ERBB3: variants seen among roughly 807,000 people sequenced by gnomAD.
ERBB3 encodes the protein receptor tyrosine-protein kinase erbB-3.
A neutral mutation model predicts 156.7 loss-of-function variants in ERBB3; 96 were observed. The ratio of observed to expected loss-of-function variants is 0.61; its 90% CI spans 0.52 to 0.73. The LOEUF is 0.73. Ranked by LOEUF, ERBB3 falls within the 30% of genes least tolerant of loss-of-function variation. ERBB3 has a pLI of 0.00. For missense variants in ERBB3, 1,406 were observed against 1,709.4 expected (o/e 0.82, Z 3.13); for synonymous variants, 567 against 632.0 (o/e 0.90, Z 1.54).
In ERBB3 at chr12:56,102,081, A is replaced by T; in HGVS notation, c.*26A>T. On this transcript the variant is annotated 3_prime_UTR_variant, in exon 28 of 28. Coordinates refer to ENST00000267101, the MANE Select transcript of ERBB3 (RefSeq NM_001982.4). ...CTCCTGCTCCCTGTGGCACTCAGGG[A>T]GCATTTAATGGCAGCTAGTGCCTTT... 2 of 1,599,148 alleles carry T rather than the reference A, an allele frequency of 1.3e-6. No homozygotes were observed. The highest frequency in any genetic ancestry group is 1.7e-6 in the Non-Finnish European group (2 of 1,176,678).
At position 56,085,040 on chromosome 12, in the gene ERBB3, T is replaced by A. The variant is rs769634421; in HGVS notation, c.280T>A (p.Phe94Ile). 8.7e-6 allele frequency: 14 copies of A among 1,614,110 alleles called. No homozygotes were observed. The Admixed American group carries it at 2.2e-4, about 25-fold the overall frequency. ...CTATGTCCTCGTGGCCATGAATGAA[T>A]TCTCTACTCTACCATTGCCCAACCT... Reference protein sequence around the residue: ...TGYVLVAMNEFSTLPLPNLRV... With the variant: ...TGYVLVAMNEISTLPLPNLRV... The change falls in exon 3 of 28, where the codon TTC (phenylalanine) becomes ATC (isoleucine). Residue 94 changes from phenylalanine (F) to isoleucine (I), a missense_variant. Transcript: ENST00000267101.
In ERBB3 at chr12:56,095,795, G is replaced by C; in HGVS notation, c.2044G>C (p.Glu682Gln). The C allele has an allele frequency of 6.2e-7, 1 of 1,614,196 alleles. No homozygotes were observed. The highest frequency in any genetic ancestry group is 2.2e-5 in the East Asian group (1 of 44,886). ...QNKRAMRRYL[E>Q]RGESIEPLDP... ...TAAAAGGGCTATGAGGCGATACTTG[G>C]AACGGGGTGAGGTGAGTACTTAGCT... Residue 682 changes from glutamate (E) to glutamine (Q), a missense_variant, in exon 17 of 28, where the codon GAA (glutamate) becomes CAA (glutamine). This residue lies in a region of ERBB3 where 979 missense variants were observed against 1,219.6 expected (regional missense o/e 0.80). Coordinates refer to ENST00000267101, the MANE Select transcript of ERBB3 (RefSeq NM_001982.4).
chr12:56,099,826 C>G lies in ERBB3; in HGVS notation c.2938-12C>G, dbSNP rs374610753. On this transcript the variant is annotated splice_polypyrimidine_tract_variant and intron_variant, in intron 24 of 27. Coordinates refer to ENST00000267101, the MANE Select transcript of ERBB3 (RefSeq NM_001982.4). The stretch of plus-strand genomic sequence containing the variant: ...AACCAGGATTCCCCCTAACAATCAC[C>G]TATCGATATAGAGAGAGAGTGGGCC... The G allele has an allele frequency of 4.3e-6, 7 of 1,613,800 alleles. No homozygotes were observed. The highest frequency in any genetic ancestry group is 5.9e-6 in the Non-Finnish European group (7 of 1,179,764).
intron 1 of ERBB3, among the ~76,000 whole-genome samples, chr12:56,081,161 G>T (rs936908350): frequency 6.6e-6 from 1 of 152,216 alleles, no homozygotes; most frequent in African/African-American, 2.4e-5. Flanking sequence ...GATCAAGAGG[G>T]CACCTCTGCT....
At position 56,080,401 on chromosome 12, in the gene ERBB3, C is replaced by T. The variant is rs555770357; in HGVS notation, c.82+19C>T. 6.4e-7 allele frequency: 1 copy of T among 1,568,324 alleles called. No individual in the cohort carries two copies. Among genetic ancestry groups the T allele is most frequent in the Non-Finnish European group, 8.7e-7 (1 of 1,153,356 alleles). The stretch of plus-strand genomic sequence containing the variant: ...CAGGCAGGTAAGTGGCGCGAGAGCA[C>T]CGGCGGGCTCGGCACCTGGGAGCCG... On this transcript the variant is annotated intron_variant, in intron 1 of 27. Transcript: ENST00000267101.
chr12:56,097,274 TG>T (rs1213212470), intron 20 of ERBB3, 44 bp downstream of exon 20: 1 of 1,585,308 alleles, frequency 6.3e-7, no homozygotes, highest in Non-Finnish European at 8.7e-7. Context: ...ACTGCTTGTC[TG>T]GGGGCCAGCC....
chr12:56,095,329 T>G lies in ERBB3; in HGVS notation c.1913+19T>G, dbSNP rs147010683. On this transcript the variant is annotated intron_variant, in intron 16 of 27. Coordinates refer to ENST00000267101, the MANE Select transcript of ERBB3 (RefSeq NM_001982.4). ...TGATCGGGTATGATGGGGTTGGAGA[T>G]TCTGGAAACTGGGGATATTTGGGAG... 148 of 1,605,832 alleles carry G rather than the reference T, an allele frequency of 9.2e-5. No individual in the cohort carries two copies. Among genetic ancestry groups the G allele is most frequent in the Non-Finnish European group, 1.2e-4 (139 of 1,172,508 alleles).
chr12:56,097,008 T>C (rs369782777), intron 19 of ERBB3, 37 bp from the exon 20 acceptor site: 4 of 1,605,348 alleles, frequency 2.5e-6, no homozygotes, highest in Non-Finnish European at 3.4e-6. Flanking sequence ...TATGTGAACC[T>C]GTTGGTTTCC....
chr12:56,093,067 G>C lies in ERBB3; in HGVS notation c.1265G>C (p.Ser422Thr), dbSNP rs1403302046. The C allele has an allele frequency of 1.9e-6, 3 of 1,611,928 alleles. No individual in the cohort carries two copies. The highest frequency in any genetic ancestry group is 2.5e-6 in the Non-Finnish European group (3 of 1,177,972). The change falls in exon 11 of 28, where the codon AGC becomes ACC. Residue 422 changes from serine to threonine, a missense_variant. Around this residue, in one of 3 missense-constraint regions of ERBB3, gnomAD observed 979 missense variants for 1,219.6 expected, o/e 0.80. Coordinates refer to ENST00000267101, the MANE Select transcript of ERBB3 (RefSeq NM_001982.4). ...AATTTGACAACCATTGGAGGCAGAA[G>C]CCTCTACAAGTGAGTAAAGGGTATG... Reference protein sequence around the residue: ...FSNLTTIGGRSLYNRGFSLLI... With the variant: ...FSNLTTIGGRTLYNRGFSLLI...
chr12:56,089,782 C>T (rs1374332032), intron 9 of ERBB3, among the ~76,000 whole-genome samples: 1 of 151,738 alleles, frequency 6.6e-6, no homozygotes, highest in African/African-American at 2.4e-5. Flanking sequence ...TCTGTCTCCC[C>T]ATGACTTTTA....
intron 12 of ERBB3, 56 bp downstream of exon 12, chr12:56,093,606 G>C: frequency 1.3e-6 from 2 of 1,576,090 alleles, no homozygotes; most frequent in Non-Finnish European, 1.7e-6. Context: ...GGAGAGGGCT[G>C]AAAGGACTAT....
rs567366033 is a variant in ERBB3 at position 56,094,159 on chromosome 12, C to G, written c.1674C>G (p.Pro558=). The change falls in exon 14 of 28, where the codon CCC becomes CCG. Residue 558 remains proline, a synonymous_variant. Coordinates refer to ENST00000267101, the MANE Select transcript of ERBB3 (RefSeq NM_001982.4). ...TCTCCTGCCACCCGGAATGCCAACC[C>G]ATGGAGGGCACTGCCACATGCAATG... ...ECFSCHPECQ[P]MEGTATCNGS... is the part of the protein sequence containing the mutation. 9.3e-6 allele frequency: 15 copies of G among 1,614,078 alleles called. 1 individual carries two copies. The African/African-American group carries it at 1.3e-4, about 14-fold the overall frequency.
intron 12 of ERBB3, 60 bp downstream of exon 12, chr12:56,093,610 G>A (rs937436048): frequency 2.6e-6 from 4 of 1,559,936 alleles, no homozygotes; most frequent in Non-Finnish European, 3.5e-6. Context: ...AGGGCTGAAA[G>A]GACTATTCTG....
At position 56,085,191 on chromosome 12, in the gene ERBB3, C is replaced by T. The variant is rs757433330; in HGVS notation, c.421+10C>T. The T allele has an allele frequency of 1.4e-5, 22 of 1,614,166 alleles. No homozygotes were observed. The highest frequency in any genetic ancestry group is 2.2e-5 in the East Asian group (1 of 44,894). ...TTGACTCAGCTCACCGGTCAGTTCC[C>T]GATGGTTCCTTCTGGCCTCACCCCT... On this transcript the variant is annotated intron_variant, in intron 3 of 27. Coordinates refer to ENST00000267101, the MANE Select transcript of ERBB3 (RefSeq NM_001982.4).
At position 56,092,750 on chromosome 12, in the gene ERBB3, C is replaced by A; in HGVS notation, c.1113C>A (p.Asp371Glu). ...LDFLITGLNG[D>E]PWHKIPALDP... The stretch of plus-strand genomic sequence containing the variant: ...TGGTTTCTACTGTTCTATTCAGAGA[C>A]CCCTGGCACAAGATCCCTGCCCTGG... The change falls in exon 10 of 28, where the codon GAC becomes GAA. Residue 371 changes from aspartate to glutamate, a missense_variant. Transcript: ENST00000267101. 1 of 1,612,990 alleles carries A rather than the reference C, an allele frequency of 6.2e-7. No individual in the cohort carries two copies. Among genetic ancestry groups the A allele is most frequent in the Non-Finnish European group, 8.5e-7 (1 of 1,178,988 alleles).
chr12:56,086,374 A>G, intron 3 of ERBB3, 157 bp from the exon 4 acceptor site: 1 of 883,760 alleles, frequency 1.1e-6, no homozygotes, highest in South Asian at 1.4e-5. Context: ...CTCATCTTAT[A>G]AAGGGAGTCT....
Position 56,085,462 on chromosome 12 carries a change from A to C in ERBB3, c.421+281A>C. On this transcript the variant is annotated intron_variant, in intron 3 of 27. Transcript: ENST00000267101. ...CTAATTTCAAAGTACAGTGTACCGGAGGCCAGGCCTGATGGCTTACACCTG... is the reference window on the plus strand; with the variant it reads ...CTAATTTCAAAGTACAGTGTACCGGCGGCCAGGCCTGATGGCTTACACCTG... The C allele has an allele frequency of 2.9e-6, 4 of 1,384,756 alleles. No individual in the cohort carries two copies. In the South Asian group the frequency reaches 7.6e-5, roughly 26 times the overall value. The allele number at this position is 1,384,756 out of a possible 1,614,324, so 85.8% of individuals were successfully genotyped here. A position where few individuals can be genotyped will look rare whatever the true frequency, so the allele number is the denominator to read the frequency against.
intron 4 of ERBB3, among the ~76,000 whole-genome samples, chr12:56,087,024 GCT>G (rs2136792097): frequency 6.6e-6 from 1 of 151,706 alleles, no homozygotes; most frequent in South Asian, 2.1e-4. Flanking sequence ...TGTAATCCCG[GCT>G]ACTCAGGAGG....
chr12:56,092,389 C>CAAAAAA (rs60865127), intron 9 of ERBB3, among the ~76,000 whole-genome samples: 3 of 42,850 alleles, frequency 7.0e-5, no homozygotes, highest in Admixed American at 3.9e-4. Flanking sequence ...GACTCTGTCT[C>CAAAAAA]AAAAAAAAAA....
Sources: gnomAD v4.1 joint callset for allele counts (sites outside exome capture counted in the v4.1 genomes callset) on GRCh38, gnomAD v4.1.1 for gene constraint, gnomAD v4.1.1 regional missense constraint, MANE v1.5 for transcripts, NCBI Gene and HGNC (gene_info 2026-07-23, HGNC 2026-07-21) for gene names.